Variants in PROM1 observed in about 807,000 individuals in gnomAD.
PROM1 encodes prominin-1.
Under a neutral mutation model 116.9 loss-of-function variants are expected in PROM1, and 105 were observed. The ratio of observed to expected loss-of-function variants is 0.90; its 90% CI spans 0.77 to 1.06. The LOEUF (loss-of-function observed/expected upper bound fraction) is 1.06, where lower values mean the gene tolerates loss of function less well. Ranked by LOEUF, PROM1 falls within the 50% of genes least tolerant of loss-of-function variation. PROM1 has a pLI of 0.00. For synonymous variants in PROM1, 393 were observed against 387.0 expected (o/e 1.02, Z -0.18); for missense variants, 1,122 against 1,045.2 (o/e 1.07, Z -1.01).
intron 14 of PROM1, among the ~76,000 whole-genome samples, chr4:15,999,552 G>A (rs17387169): frequency 0.12 from 18,881 of 152,028 alleles, 1,238 homozygotes; most frequent in South Asian, 0.15. Context: ...GACTGTACGC[G>A]CTTGAGAAGT....
intron 13 of PROM1, among the ~76,000 whole-genome samples, chr4:16,001,753 G>T (rs992502117): frequency 1.3e-5 from 2 of 152,152 alleles, no homozygotes; most frequent in African/African-American, 4.8e-5. Flanking sequence ...GGCAGCAAGC[G>T]CAGATCACTC....
intron 22 of PROM1, among the ~76,000 whole-genome samples, chr4:15,985,103 T>C (rs1257036153): frequency 2.0e-5 from 3 of 152,238 alleles, no homozygotes; most frequent in African/African-American, 2.4e-5. Context: ...AAACAATGGA[T>C]AGTTGTACCT....
intron 6 of PROM1, among the ~76,000 whole-genome samples, chr4:16,024,625 C>T (rs1458483911): frequency 2.0e-5 from 3 of 152,238 alleles, no homozygotes; most frequent in South Asian, 4.2e-4. Context: ...AAGGGTACTT[C>T]CTCTCCCATC....
At chr4:15,993,143 C>T (rs556272728) in intron 16 of PROM1, among the ~76,000 whole-genome samples, 1 of 152,318 alleles carries the variant, frequency 6.6e-6, no homozygotes, top group South Asian at 2.1e-4. Flanking sequence ...TCAAACACAG[C>T]TTTTCACATT....
chr4:15,997,351 A>T, intron 15 of PROM1, among the ~76,000 whole-genome samples: 1 of 145,536 alleles, frequency 6.9e-6, no homozygotes, highest in Non-Finnish European at 1.5e-5. Context: ...CTCTTAGCTC[A>T]CTGTGTAGTG....
At chr4:15,975,044 T>A (rs908294123) in intron 26 of PROM1, among the ~76,000 whole-genome samples, 5 of 152,220 alleles carry the variant, frequency 3.3e-5, no homozygotes, top group African/African-American at 1.2e-4. Flanking sequence ...CCACACTTAG[T>A]TATCTTCTGA....
intron 23 of PROM1, among the ~76,000 whole-genome samples, chr4:15,981,296 T>G (rs1717869010): frequency 6.8e-6 from 1 of 146,940 alleles, no homozygotes; most frequent in Non-Finnish European, 1.5e-5. Context: ...ATTAGCCAGG[T>G]GCGGTGGCTC....
At position 16,076,090 on chromosome 4, in the gene PROM1, A is replaced by C; in HGVS notation, c.-184T>G. ...CGAGGGATGCGGAAGAATGTTCTCC[A>C]AGGGGGTCATTCACTCAAGGCACCA... On this transcript the variant is annotated 5_prime_UTR_variant, in exon 2 of 28. Coordinates refer to ENST00000447510, the MANE Select transcript of PROM1 (RefSeq NM_006017.3). The C allele has an allele frequency of 1.6e-6, 2 of 1,269,264 alleles. No individual in the cohort carries two copies. Among genetic ancestry groups the C allele is most frequent in the Non-Finnish European group, 2.1e-6 (2 of 955,634 alleles). The allele number at this position is 1,269,264 out of a possible 1,614,324, so 78.6% of individuals were successfully genotyped here.
intron 22 of PROM1, 75 bp from the exon 23 acceptor site, chr4:15,984,430 T>C (rs1718803755): frequency 2.7e-6 from 3 of 1,098,114 alleles, no homozygotes; most frequent in Admixed American, 5.8e-5. Context: ...TGCCATTTAC[T>C]TTTGACTTGG....
intron 13 of PROM1, among the ~76,000 whole-genome samples, chr4:16,006,150 A>G (rs1045916979): frequency 6.6e-6 from 1 of 152,358 alleles, no homozygotes; most frequent in East Asian, 1.9e-4. Context: ...CTGTCCCACA[A>G]GAGATTGGCT....
chr4:15,979,073 TA>T (rs1346082056), intron 26 of PROM1, among the ~76,000 whole-genome samples: 1 of 152,178 alleles, frequency 6.6e-6, no homozygotes, highest in Non-Finnish European at 1.5e-5. Flanking sequence ...AAACTGTAAC[TA>T]CTCAGGTTAT....
chr4:16,024,211 G>A (rs979927195), intron 7 of PROM1, 84 bp downstream of exon 7: 17 of 1,219,468 alleles, frequency 1.4e-5, no homozygotes, highest in African/African-American at 9.0e-5. Flanking sequence ...CAACTTTCAC[G>A]TACGTCATTT....
chr4:16,015,068 G>T (rs1000067279), intron 10 of PROM1, among the ~76,000 whole-genome samples: 1 of 125,514 alleles, frequency 8.0e-6, no homozygotes, highest in Non-Finnish European at 1.5e-5. Context: ...TATATGGACC[G>T]GGCGTGACGG....
intron 2 of PROM1, among the ~76,000 whole-genome samples, chr4:16,067,494 G>C (rs1213564364): frequency 6.6e-6 from 1 of 152,152 alleles, no homozygotes; most frequent in Non-Finnish European, 1.5e-5. Context: ...CCCTGAAAGC[G>C]GGCACACAGT....
rs145354436 is a variant in PROM1 at position 15,987,115 on chromosome 4, A to C, written c.2130+548T>G. ...CCCCAGCCAGACGACGATGTGTGTG[A>C]CCATGTGACTTGCTTTGGCCAATGG... On this transcript the variant is annotated intron_variant, in intron 20 of 27. Transcript: ENST00000447510. 2.8e-3 allele frequency among the ~76,000 whole-genome samples: 420 copies of C among 152,326 alleles called. 2 individuals are homozygous for C. Among genetic ancestry groups the C allele is most frequent in the South Asian group, 0.013 (64 of 4,828 alleles).
intron 3 of PROM1, 134 bp downstream of exon 3, chr4:16,038,811 TG>T: frequency 1.1e-6 from 1 of 895,916 alleles, no homozygotes; most frequent in East Asian, 3.4e-5. Flanking sequence ...CAATATTCCA[TG>T]AAAGTTCTTA....
At chr4:15,982,218 C>A (rs750904728) in intron 23 of PROM1, among the ~76,000 whole-genome samples, 15 of 152,188 alleles carry the variant, frequency 9.9e-5, no homozygotes, top group Non-Finnish European at 1.5e-5. Flanking sequence ...CCCCAGCCCA[C>A]CATGAGGCCA....
chr4:16,000,728 G>T, intron 13 of PROM1, 109 bp from the exon 14 acceptor site: 1 of 948,138 alleles, frequency 1.1e-6, no homozygotes, highest in Non-Finnish European at 1.5e-6. Flanking sequence ...GGTCTTCAGT[G>T]TTATTCAGGT....
chr4:16,019,871 T>TACACACACACACACACAC (rs3040447), intron 8 of PROM1, among the ~76,000 whole-genome samples: 2 of 148,062 alleles, frequency 1.4e-5, no homozygotes, highest in African/African-American at 2.5e-5. Flanking sequence ...GTGTTAAAAA[T>TACACACACACACACACAC]ACACACACAC....
Sources: gnomAD v4.1 joint callset for allele counts (sites outside exome capture counted in the v4.1 genomes callset) on GRCh38, gnomAD v4.1.1 for gene constraint, MANE v1.5 for transcripts, NCBI Gene and HGNC (gene_info 2026-07-23, HGNC 2026-07-21) for gene names.